ORC5: variants seen among roughly 807,000 people sequenced by gnomAD.
ORC5 encodes the protein origin recognition complex subunit 5, also known as protein phosphatase 1, regulatory subunit 117.
A neutral mutation model predicts 58.8 loss-of-function variants in ORC5; 39 were observed. The ratio of observed to expected loss-of-function variants is 0.66; its 90% CI spans 0.51 to 0.87. The LOEUF is 0.87. Ranked by LOEUF, ORC5 falls within the 40% of genes least tolerant of loss-of-function variation. The probability of loss-of-function intolerance (pLI) is 0.00; values close to 1 mark genes in which losing one functional copy is unlikely to be tolerated. For synonymous variants in ORC5, 218 were observed against 177.6 expected (o/e 1.23, Z -1.81); for missense variants, 493 against 506.3 (o/e 0.97, Z 0.25).
intron 3 of ORC5, among the ~76,000 whole-genome samples, chr7:104,198,375 T>C (rs1799851790): frequency 6.6e-6 from 1 of 152,178 alleles, no homozygotes; most frequent in East Asian, 1.9e-4. Context: ...GAGGTGGTCA[T>C]AGATGGACAT....
chr7:104,175,673 AT>A (rs1273575776), intron 8 of ORC5, among the ~76,000 whole-genome samples: 1 of 152,222 alleles, frequency 6.6e-6, no homozygotes, highest in Non-Finnish European at 1.5e-5. Flanking sequence ...GAGCAATAAT[AT>A]AACATTTCTC....
intron 3 of ORC5, among the ~76,000 whole-genome samples, chr7:104,198,732 G>A (rs1799859929): frequency 6.6e-6 from 1 of 152,236 alleles, no homozygotes; most frequent in Admixed American, 6.5e-5. Context: ...CTGCAGAAAT[G>A]TGCATAAGTA....
intron 12 of ORC5, among the ~76,000 whole-genome samples, chr7:104,142,738 G>A (rs1798692632): frequency 6.6e-6 from 1 of 152,162 alleles, no homozygotes; most frequent in African/African-American, 2.4e-5. Flanking sequence ...GACATGAAAT[G>A]AGGTTTAAAG....
chr7:104,149,893 C>G (rs1423539157), intron 12 of ORC5, among the ~76,000 whole-genome samples: 1 of 152,136 alleles, frequency 6.6e-6, no homozygotes, highest in Non-Finnish European at 1.5e-5. Flanking sequence ...ACAAAAATCT[C>G]TTTCTGTGTA....
intron 12 of ORC5, among the ~76,000 whole-genome samples, chr7:104,137,227 C>G (rs1304760046): frequency 6.6e-6 from 1 of 150,584 alleles, no homozygotes; most frequent in East Asian, 1.9e-4. Flanking sequence ...CTCAGTCTTC[C>G]CAAGTGGCTG....
intron 12 of ORC5, among the ~76,000 whole-genome samples, chr7:104,142,368 A>C (rs1798687369): frequency 6.6e-6 from 1 of 152,194 alleles, no homozygotes; most frequent in Non-Finnish European, 1.5e-5. Flanking sequence ...AAGCACAGGA[A>C]ACAAAAGCAA....
chr7:104,159,814 C>T (rs1798994155), intron 12 of ORC5, among the ~76,000 whole-genome samples: 1 of 152,102 alleles, frequency 6.6e-6, no homozygotes, highest in Non-Finnish European at 1.5e-5. Context: ...TAATAAAGAC[C>T]TGATAATTCA....
intron 5 of ORC5, among the ~76,000 whole-genome samples, chr7:104,194,605 G>A (rs143279146): frequency 6.6e-6 from 1 of 151,962 alleles, no homozygotes; most frequent in Non-Finnish European, 1.5e-5. Flanking sequence ...ATGAGTTACA[G>A]TAAAGAAAAT....
intron 8 of ORC5, among the ~76,000 whole-genome samples, chr7:104,177,263 A>C (rs571038068): frequency 4.5e-4 from 69 of 152,368 alleles, no homozygotes; most frequent in African/African-American, 1.4e-3. Flanking sequence ...AATCACTTCC[A>C]AATAAGAAAA....
At chr7:104,199,472 C>T (rs1468151534) in intron 3 of ORC5, among the ~76,000 whole-genome samples, 1 of 152,212 alleles carries the variant, frequency 6.6e-6, no homozygotes, top group Non-Finnish European at 1.5e-5. Context: ...GGATGTGAGG[C>T]ATGGAGTCAA....
At chr7:104,176,415 C>T (rs1001281460) in intron 8 of ORC5, among the ~76,000 whole-genome samples, 6 of 152,070 alleles carry the variant, frequency 3.9e-5, no homozygotes, top group African/African-American at 1.2e-4. Context: ...AAATATTTTG[C>T]GGTAAAATAC....
intron 12 of ORC5, among the ~76,000 whole-genome samples, chr7:104,142,039 A>C (rs1326621394): frequency 6.6e-6 from 1 of 152,178 alleles, no homozygotes; most frequent in Admixed American, 6.5e-5. Flanking sequence ...ATGGCATAAA[A>C]ACAGACACAC....
intron 8 of ORC5, among the ~76,000 whole-genome samples, chr7:104,177,609 G>A (rs573090156): frequency 6.6e-6 from 1 of 151,976 alleles, no homozygotes; most frequent in Non-Finnish European, 1.5e-5. Flanking sequence ...CGTGCAGAAC[G>A]TGCAGGTTAC....
intron 8 of ORC5, among the ~76,000 whole-genome samples, chr7:104,174,548 A>G (rs1799282069): frequency 6.6e-6 from 1 of 152,216 alleles, no homozygotes; most frequent in East Asian, 1.9e-4. Context: ...CATGAGCAGG[A>G]CAGGAGAAGG....
chr7:104,163,763 C>T (rs1485814843), intron 11 of ORC5, among the ~76,000 whole-genome samples: 1 of 152,106 alleles, frequency 6.6e-6, no homozygotes, highest in Non-Finnish European at 1.5e-5. Context: ...AGTGCTGGGA[C>T]TACAGGTGTG....
At chr7:104,178,745 AG>A (rs1799373651) in intron 8 of ORC5, among the ~76,000 whole-genome samples, 2 of 152,110 alleles carry the variant, frequency 1.3e-5, no homozygotes, top group African/African-American at 4.8e-5. Context: ...AGATGTATGA[AG>A]GGGTCCAGTT....
Position 104,205,560 on chromosome 7 carries a change from C to T in ORC5, c.73-1326G>A, listed in dbSNP as rs145775951. 9.2e-5 allele frequency among the ~76,000 whole-genome samples: 14 copies of T among 152,270 alleles called. No homozygotes were observed. The East Asian group carries it at 2.5e-3, about 27-fold the overall frequency. On this transcript the variant is annotated intron_variant, in intron 1 of 13. Coordinates refer to ENST00000297431, the MANE Select transcript of ORC5 (RefSeq NM_002553.4). ...CCTTTTACAAGACAAATCAGGAACT[C>T]AGATTTACGCAGGAAAAAGACTTTC...
intron 11 of ORC5, 74 bp from the exon 12 acceptor site, chr7:104,161,256 CA>C (rs1441073707): frequency 1.3e-6 from 1 of 776,710 alleles, no homozygotes; most frequent in Non-Finnish European, 2.2e-6. Flanking sequence ...ACAAAACTGC[CA>C]GTAACAATGT....
intron 5 of ORC5, 96 bp from the exon 6 acceptor site, chr7:104,188,477 C>A: frequency 1.2e-6 from 1 of 800,130 alleles, no homozygotes; most frequent in African/African-American, 1.7e-5. Context: ...AAAAAAACAC[C>A]CAGACCCAGC....
Sources: gnomAD v4.1 joint callset for allele counts (sites outside exome capture counted in the v4.1 genomes callset) on GRCh38, gnomAD v4.1.1 for gene constraint, MANE v1.5 for transcripts, NCBI Gene and HGNC (gene_info 2026-07-23, HGNC 2026-07-21) for gene names.